Variants in KALRN observed in about 807,000 individuals in gnomAD.
KALRN encodes the protein kalirin RhoGEF kinase, also known as kalirin.
A neutral mutation model predicts 353.7 loss-of-function variants in KALRN; 70 were observed. That is an observed-to-expected ratio of 0.20 (90% confidence interval 0.16 to 0.24). The LOEUF is 0.24. KALRN is among the 10% of genes least tolerant of loss of function. The pLI, the probability that KALRN is intolerant of heterozygous loss-of-function variation, is 1.00. For missense variants in KALRN, 2,791 were observed against 3,756.7 expected, an observed-to-expected ratio of 0.74 and a Z score of 6.72; for synonymous variants, 1,391 against 1,434.8, an observed-to-expected ratio of 0.97 and a Z score of 0.69.
intron 37 of KALRN, among the ~76,000 whole-genome samples, chr3:124,642,539 TCTC>T (rs2082151265): frequency 6.6e-6 from 1 of 152,050 alleles, no homozygotes; most frequent in Admixed American, 6.6e-5. Flanking sequence ...ACCCTCTGGT[TCTC>T]CTATTTTGAC....
chr3:124,463,765 G>T (rs1228632984), intron 25 of KALRN, among the ~76,000 whole-genome samples: 3 of 152,100 alleles, frequency 2.0e-5, no homozygotes, highest in Non-Finnish European at 4.4e-5. Context: ...TCCAGATAAG[G>T]GGTGGAAAGT....
intron 1 of KALRN, chr3:124,082,163 G>T (rs2060575448): frequency 2.3e-6 from 1 of 430,378 alleles, no homozygotes; most frequent in Admixed American, 2.8e-5. Flanking sequence ...GGCTTCCCGG[G>T]CTGGGGTTTG....
In KALRN at chr3:124,490,846, T is replaced by A. The variant is rs758633178; in HGVS notation, c.4549T>A (p.Ser1517Thr). ...TTTTAGCAAGGAGATCAAAGATTCT[T>A]CAGGACACACGAAATATGTTTACAA... The part of the protein sequence containing the change: ...LVFSKEIKDS[S>T]GHTKYVYKNK... The change falls in exon 30 of 60, where the codon TCA becomes ACA. Residue 1517 changes from serine to threonine, a missense_variant. By Grantham distance (58) the Ser-to-Thr change is moderately conservative (BLOSUM62 1). Around this residue, in one of 11 missense-constraint regions of KALRN, gnomAD observed 239 missense variants for 351.3 expected, o/e 0.68. Transcript: ENST00000682506. The A allele has an allele frequency of 6.8e-6, 11 of 1,613,828 alleles. No homozygotes were observed. The highest frequency in any genetic ancestry group is 9.3e-6 in the Non-Finnish European group (11 of 1,179,928).
At chr3:124,482,469 A>G (rs1260902871) in intron 27 of KALRN, among the ~76,000 whole-genome samples, 1 of 151,872 alleles carries the variant, frequency 6.6e-6, no homozygotes, top group Non-Finnish European at 1.5e-5. Flanking sequence ...TTTTACTCCT[A>G]CTTCATCTCT....
intron 28 of KALRN, among the ~76,000 whole-genome samples, chr3:124,485,116 A>G (rs997654158): frequency 6.6e-6 from 1 of 152,220 alleles, no homozygotes; most frequent in African/African-American, 2.4e-5. Flanking sequence ...AATGAATAAA[A>G]TAAAAAATGA....
intron 5 of KALRN, among the ~76,000 whole-genome samples, chr3:124,286,291 C>T (rs2075899756): frequency 6.7e-6 from 1 of 150,010 alleles, no homozygotes; most frequent in Non-Finnish European, 1.5e-5. Flanking sequence ...CTTCCCCTTC[C>T]CCTTCCTCTT....
intron 34 of KALRN, among the ~76,000 whole-genome samples, chr3:124,577,322 A>T (rs1475871232): frequency 6.6e-6 from 1 of 152,108 alleles, no homozygotes; most frequent in Non-Finnish European, 1.5e-5. Flanking sequence ...ACAGAGGAAC[A>T]CATTTAAAGG....
intron 27 of KALRN, among the ~76,000 whole-genome samples, chr3:124,478,100 C>G (rs1025034821): frequency 3.9e-5 from 6 of 152,046 alleles, no homozygotes; most frequent in African/African-American, 1.2e-4. Context: ...TTACAGTAAG[C>G]AAAATCAAAG....
chr3:124,430,053 T>C (rs2093201448), intron 15 of KALRN, among the ~76,000 whole-genome samples: 1 of 152,186 alleles, frequency 6.6e-6, no homozygotes, highest in Non-Finnish European at 1.5e-5. Context: ...ATAGGTACTA[T>C]GTGAGACTAA....
chr3:124,105,544 A>G (rs964562880), intron 1 of KALRN, among the ~76,000 whole-genome samples: 24 of 152,166 alleles, frequency 1.6e-4, no homozygotes, highest in African/African-American at 5.8e-4. Flanking sequence ...CCTTAAGGGT[A>G]GGAGGAGAGC....
chr3:124,692,266 T>C (rs1487217357), intron 51 of KALRN, among the ~76,000 whole-genome samples: 4 of 152,204 alleles, frequency 2.6e-5, no homozygotes, highest in African/African-American at 4.8e-5. Context: ...GCAGAGGGCA[T>C]TGCAATGGCC....
At chr3:124,434,930 C>T (rs531221525) in intron 17 of KALRN, among the ~76,000 whole-genome samples, 33 of 152,334 alleles carry the variant, frequency 2.2e-4, no homozygotes, top group African/African-American at 7.9e-4. Context: ...TTTGGCTGAA[C>T]TTGGTAGAAC....
chr3:124,144,283 AG>A (rs1254453967), intron 1 of KALRN, among the ~76,000 whole-genome samples: 4 of 152,102 alleles, frequency 2.6e-5, no homozygotes, highest in Admixed American at 2.6e-4. Flanking sequence ...GAGCAGCCAG[AG>A]ATCAGAACCT....
At chr3:124,704,600 T>C (rs1442161576) in intron 57 of KALRN, among the ~76,000 whole-genome samples, 3 of 152,190 alleles carry the variant, frequency 2.0e-5, no homozygotes, top group Non-Finnish European at 4.4e-5. Flanking sequence ...CAGGCTTGAG[T>C]GCAGTGGCAT....
Position 124,329,966 on chromosome 3 carries a change from G to C in KALRN, c.1390G>C (p.Glu464Gln). Residue 464 changes from glutamate (E) to glutamine (Q), a missense_variant, in exon 8 of 60, where the codon GAG becomes CAG. Transcript: ENST00000682506. The stretch of plus-strand genomic sequence containing the variant: ...AATCCACCACCACCAGACCTTGTAT[G>C]AGCAGGTGACCCAAGCCTACACAGA... ...LAIHHHQTLY[E>Q]QVTQAYTEVS... 1 of 1,613,846 alleles carries C rather than the reference G, an allele frequency of 6.2e-7. No homozygotes were observed. The highest frequency in any genetic ancestry group is 8.5e-7 in the Non-Finnish European group (1 of 1,179,906).
At chr3:124,480,213 G>C (rs13064764) in intron 27 of KALRN, among the ~76,000 whole-genome samples, 62,828 of 152,042 alleles carry the variant, frequency 0.41, 13,617 homozygotes, top group Middle Eastern at 0.57. Flanking sequence ...AACTCACAAG[G>C]TTCAGTTGCC....
Position 124,434,346 on chromosome 3 carries a change from A to G in KALRN, c.2869A>G (p.Ser957Gly). Residue 957 changes from serine (S) to glycine (G), a missense_variant, in exon 17 of 60, where the codon AGT becomes GGT. Transcript: ENST00000682506. The part of the protein sequence containing the change: ...HATSLQKTHQ[S>G]ALQVQQKAEV... Reference sequence around the variant, plus strand: ...CACTTCCTTGCAGAAGACGCACCAGAGTGCCCTGCAGGTACAGCAGAAAGC... The same window carrying G: ...CACTTCCTTGCAGAAGACGCACCAGGGTGCCCTGCAGGTACAGCAGAAAGC... The G allele has an allele frequency of 6.2e-7, 1 of 1,613,418 alleles. No individual in the cohort carries two copies.
chr3:124,516,648 A>C (rs1041841625), intron 33 of KALRN, among the ~76,000 whole-genome samples: 2 of 151,672 alleles, frequency 1.3e-5, no homozygotes, highest in African/African-American at 2.4e-5. Context: ...AAAAAAAAAA[A>C]AAAAAAACCT....
intron 34 of KALRN, among the ~76,000 whole-genome samples, chr3:124,576,333 C>T (rs918302068): frequency 1.3e-5 from 2 of 151,930 alleles, no homozygotes; most frequent in African/African-American, 4.8e-5. Context: ...ACAGTAGCTG[C>T]CATGTAAGAA....
Sources: gnomAD v4.1 joint callset for allele counts (sites outside exome capture counted in the v4.1 genomes callset) on GRCh38, gnomAD v4.1.1 for gene constraint, gnomAD v4.1.1 regional missense constraint, MANE v1.5 for transcripts, NCBI Gene and HGNC (gene_info 2026-07-23, HGNC 2026-07-21) for gene names.